Variants in PTPRD observed in about 807,000 individuals in gnomAD.
PTPRD encodes the protein receptor-type tyrosine-protein phosphatase delta.
PTPRD carries 34 observed loss-of-function variants against 214.5 expected under a neutral mutation model. The ratio of observed to expected loss-of-function variants is 0.16; its 90% confidence interval spans 0.12 to 0.21. The LOEUF (loss-of-function observed/expected upper bound fraction) is 0.21. Among genes scored for constraint, PTPRD ranks in the 10% least tolerant of loss-of-function variants. PTPRD has a pLI of 1.00. For synonymous variants in PTPRD, 1,128 were observed against 845.7 expected (o/e 1.33, Z -5.79); for missense variants, 2,545 against 2,398.7 (o/e 1.06, Z -1.27).
intron 8 of PTPRD, among the ~76,000 whole-genome samples, chr9:9,436,260 A>G (rs1021647411): frequency 9.2e-5 from 14 of 152,034 alleles, no homozygotes; most frequent in African/African-American, 3.4e-4. Flanking sequence ...CCCCCTATTT[A>G]ACTCATCCTT....
chr9:10,287,787 C>A (rs73400367), intron 3 of PTPRD, among the ~76,000 whole-genome samples: 104 of 152,190 alleles, frequency 6.8e-4, no homozygotes, highest in African/African-American at 2.5e-3. Context: ...GCAACTATCC[C>A]AATTTAGAAG....
At position 9,430,118 on chromosome 9, in the gene PTPRD, G is replaced by C. The variant is rs535105501; in HGVS notation, c.-236-32636C>G. 3.0e-4 allele frequency among the ~76,000 whole-genome samples: 45 copies of C among 152,272 alleles called. No homozygotes were observed. In the East Asian group the frequency reaches 8.3e-3, roughly 28 times the overall value. ...GAAAAGAGGAAGTCAAACTGTCCCT[G>C]TTTGCAGATGACATGATTGTATGTC... On this transcript the variant is annotated intron_variant, in intron 8 of 45. Transcript: ENST00000381196.
intron 12 of PTPRD, among the ~76,000 whole-genome samples, chr9:8,697,321 T>C (rs1300541662): frequency 6.6e-6 from 1 of 152,080 alleles, no homozygotes; most frequent in Non-Finnish European, 1.5e-5. Flanking sequence ...TGGGGCTCTT[T>C]AAATATATTT....
At chr9:10,196,687 T>C (rs1436927772) in intron 3 of PTPRD, among the ~76,000 whole-genome samples, 1 of 152,190 alleles carries the variant, frequency 6.6e-6, no homozygotes, top group Non-Finnish European at 1.5e-5. Flanking sequence ...TACATCATGG[T>C]AGGCATAGTT....
At chr9:10,030,726 G>A (rs1013898331) in intron 4 of PTPRD, among the ~76,000 whole-genome samples, 3 of 151,740 alleles carry the variant, frequency 2.0e-5, no homozygotes, top group African/African-American at 7.2e-5. Context: ...TCTTGGTTTT[G>A]ATCAATGGTA....
intron 3 of PTPRD, among the ~76,000 whole-genome samples, chr9:10,048,530 C>T (rs955790774): frequency 3.3e-5 from 5 of 151,966 alleles, no homozygotes; most frequent in Non-Finnish European, 5.9e-5. Context: ...AGTTTTATTA[C>T]ATATCTTTAA....
In PTPRD at chr9:8,713,648, T is replaced by A. The variant is rs893156351; in HGVS notation, c.64+20132A>T. The A allele has an allele frequency of 3.9e-6, 6 of 1,522,374 alleles. No individual in the cohort carries two copies. In the Admixed American group the frequency reaches 1.0e-4, roughly 25 times the overall value. 94.3% of individuals were successfully genotyped at this position (1,522,374 alleles called of 1,614,324 possible). On this transcript the variant is annotated intron_variant, in intron 12 of 45. Transcript: ENST00000381196. ...GCTGTCACCCAGTGCTACCGAGACA[T>A]GGGCGCCCGGCACCGCGCCCGGGCC...
At chr9:8,702,889 G>A (rs1022278907) in intron 12 of PTPRD, among the ~76,000 whole-genome samples, 1 of 152,208 alleles carries the variant, frequency 6.6e-6, no homozygotes, top group Non-Finnish European at 1.5e-5. Flanking sequence ...TTACAGGCGT[G>A]AGCCACTGCG....
In PTPRD at chr9:9,530,041, C is replaced by A. The variant is rs181997272; in HGVS notation, c.-237+44691G>T. On this transcript the variant is annotated intron_variant, in intron 8 of 45. Coordinates refer to ENST00000381196, the MANE Select transcript of PTPRD (RefSeq NM_002839.4). Reference sequence around the variant, plus strand: ...GAGGAGAGTTTATAGCAGTAAGTACCTACATCAAACAAATATACAGATTTC... The same window carrying A: ...GAGGAGAGTTTATAGCAGTAAGTACATACATCAAACAAATATACAGATTTC... Among the ~76,000 whole-genome samples, 21 of 152,100 alleles carry A rather than the reference C, an allele frequency of 1.4e-4. No homozygotes were observed. The East Asian group carries it at 3.9e-3, about 28-fold the overall frequency.
At chr9:9,574,631 A>G (rs1158811718) in intron 8 of PTPRD, 101 bp downstream of exon 8, 1 of 151,988 alleles carries the variant, frequency 6.6e-6, no homozygotes, top group African/African-American at 2.4e-5. Context: ...TTAAATATCA[A>G]ATGACTTATT....
At chr9:9,176,956 GTATC>G (rs1006076103) in intron 10 of PTPRD, among the ~76,000 whole-genome samples, 4 of 152,208 alleles carry the variant, frequency 2.6e-5, no homozygotes, top group Middle Eastern at 3.4e-3. Flanking sequence ...TGTCCTATGA[GTATC>G]TATCTATCTA....
chr9:9,145,939 A>G (rs998652863), intron 10 of PTPRD, among the ~76,000 whole-genome samples: 2 of 152,204 alleles, frequency 1.3e-5, no homozygotes, highest in Admixed American at 6.5e-5. Context: ...CCAAGGAAAA[A>G]CACTCTAACT....
At chr9:10,555,388 TAGGA>T (rs781658695) in intron 2 of PTPRD, among the ~76,000 whole-genome samples, 2 of 152,216 alleles carry the variant, frequency 1.3e-5, no homozygotes, top group African/African-American at 4.8e-5. Context: ...ATTGTATCAA[TAGGA>T]AGGAAGATAT....
At chr9:9,683,476 A>T (rs1035300805) in intron 7 of PTPRD, among the ~76,000 whole-genome samples, 4 of 151,858 alleles carry the variant, frequency 2.6e-5, no homozygotes, top group African/African-American at 9.6e-5. Flanking sequence ...TCAAAAATCA[A>T]AAGCAAAGCA....
At chr9:9,676,105 C>T (rs1364930540) in intron 7 of PTPRD, among the ~76,000 whole-genome samples, 1 of 151,578 alleles carries the variant, frequency 6.6e-6, no homozygotes, top group Non-Finnish European at 1.5e-5. Flanking sequence ...TTGTGTAATC[C>T]AGTTTTTGTA....
At chr9:9,444,168 G>A (rs1160324387) in intron 8 of PTPRD, among the ~76,000 whole-genome samples, 1 of 152,074 alleles carries the variant, frequency 6.6e-6, no homozygotes, top group Non-Finnish European at 1.5e-5. Flanking sequence ...CACTTAACAT[G>A]TTCTTTGGAT....
At chr9:10,049,526 A>T (rs1481997615) in intron 3 of PTPRD, among the ~76,000 whole-genome samples, 2 of 152,074 alleles carry the variant, frequency 1.3e-5, no homozygotes, top group Non-Finnish European at 2.9e-5. Flanking sequence ...CCTTTTTTAC[A>T]TCCAGTGATG....
intron 37 of PTPRD, among the ~76,000 whole-genome samples, chr9:8,380,213 G>A (rs572278904): frequency 8.5e-5 from 13 of 152,212 alleles, no homozygotes; most frequent in Non-Finnish European, 1.8e-4. Flanking sequence ...GCAGTTGTGG[G>A]GCATCAAGGT....
At chr9:9,812,166 C>T (rs964063417) in intron 5 of PTPRD, among the ~76,000 whole-genome samples, 1 of 151,980 alleles carries the variant, frequency 6.6e-6, no homozygotes, top group Non-Finnish European at 1.5e-5. Flanking sequence ...CTATTTCACA[C>T]TTCATAGACC....
Sources: gnomAD v4.1 joint callset for allele counts (sites outside exome capture counted in the v4.1 genomes callset) on GRCh38, gnomAD v4.1.1 for gene constraint, MANE v1.5 for transcripts, NCBI Gene and HGNC (gene_info 2026-07-23, HGNC 2026-07-21) for gene names.